Variants in PGPEP1L observed in about 807,000 individuals in gnomAD.
PGPEP1L encodes pyroglutamyl-peptidase I like.
PGPEP1L carries 7 observed loss-of-function variants against 6.0 expected under a neutral mutation model. That is an observed-to-expected ratio of 1.17 (90% confidence interval 0.66 to 2.19). The LOEUF is 2.19. Ranked by LOEUF, PGPEP1L falls within the 30% of genes most tolerant of loss-of-function variation. The probability of loss-of-function intolerance (pLI) is 0.00; values close to 1 mark genes in which losing one functional copy is unlikely to be tolerated. For missense variants in PGPEP1L, 209 were observed against 192.5 expected (o/e 1.09, Z -0.51); for synonymous variants, 103 against 83.9 (o/e 1.23, Z -1.24).
chr15:98,999,971 A>G (rs1444815621), intron 2 of PGPEP1L, among the ~76,000 whole-genome samples: 1 of 152,190 alleles, frequency 6.6e-6, no homozygotes, highest in Non-Finnish European at 1.5e-5. Context: ...CCTCCAGCCC[A>G]CCACTGCACT....
intron 2 of PGPEP1L, among the ~76,000 whole-genome samples, chr15:98,982,422 A>G (rs2017677850): frequency 6.6e-6 from 1 of 152,246 alleles, no homozygotes; most frequent in Admixed American, 6.5e-5. Flanking sequence ...TTCCAAGGCC[A>G]GAGTGAACTG....
At chr15:99,001,335 G>T (rs1015568814) in intron 2 of PGPEP1L, 11 of 221,388 alleles carry the variant, frequency 5.0e-5, no homozygotes, top group South Asian at 4.6e-4. Flanking sequence ...CCATTTATAT[G>T]AAATGTCAGA....
intron 2 of PGPEP1L, among the ~76,000 whole-genome samples, chr15:98,971,982 ACTT>A (rs1200252602): frequency 6.6e-6 from 1 of 152,238 alleles, no homozygotes; most frequent in Non-Finnish European, 1.5e-5. Flanking sequence ...TTTAAAAATA[ACTT>A]ATTATAACTA....
At chr15:98,972,396 A>AAATAAATAAATG (rs3051369) in intron 2 of PGPEP1L, among the ~76,000 whole-genome samples, 1 of 151,646 alleles carries the variant, frequency 6.6e-6, no homozygotes, top group African/African-American at 2.4e-5. Context: ...ATAAATAAAT[A>AAATAAATAAATG]GCATGGAATA....
chr15:99,000,069 C>G (rs1006662155), intron 2 of PGPEP1L, among the ~76,000 whole-genome samples: 1 of 152,238 alleles, frequency 6.6e-6, no homozygotes, highest in African/African-American at 2.4e-5. Context: ...GGGCGGGAAC[C>G]GGGGCTGCGT....
intron 2 of PGPEP1L, among the ~76,000 whole-genome samples, chr15:98,999,583 G>A (rs1014235658): frequency 6.6e-6 from 1 of 152,172 alleles, no homozygotes; most frequent in African/African-American, 2.4e-5. Flanking sequence ...ATTTATCTCA[G>A]AGAAATGAAA....
chr15:98,986,709 T>C (rs1039251048), intron 2 of PGPEP1L, among the ~76,000 whole-genome samples: 73 of 152,348 alleles, frequency 4.8e-4, no homozygotes, highest in African/African-American at 1.7e-3. Context: ...GACAACTTCA[T>C]GGAGAACTTT....
intron 1 of PGPEP1L, 38 bp downstream of exon 1, chr15:99,007,321 T>C (rs2018090662): frequency 6.6e-6 from 1 of 152,288 alleles, no homozygotes; most frequent in Admixed American, 6.5e-5. Flanking sequence ...GGTCTCTACC[T>C]CCTCTGGTGA....
intron 3 of PGPEP1L, 51 bp downstream of exon 3, chr15:98,970,985 C>CCA (rs1490461898): frequency 6.2e-6 from 10 of 1,607,108 alleles, no homozygotes; most frequent in Non-Finnish European, 8.5e-6. Flanking sequence ...TTCAGAGGCT[C>CCA]CAGCTCCACA....
At chr15:98,983,056 G>A (rs575241325) in intron 2 of PGPEP1L, among the ~76,000 whole-genome samples, 1 of 151,858 alleles carries the variant, frequency 6.6e-6, no homozygotes, top group Admixed American at 6.6e-5. Flanking sequence ...AACCCACTCT[G>A]GACTAATTGG....
chr15:98,981,300 G>A (rs2017655777), intron 2 of PGPEP1L, among the ~76,000 whole-genome samples: 1 of 151,984 alleles, frequency 6.6e-6, no homozygotes, highest in Non-Finnish European at 1.5e-5. Context: ...AGACCATCCT[G>A]GCTAACACAG....
chr15:98,979,453 G>T (rs1054782584), intron 2 of PGPEP1L, among the ~76,000 whole-genome samples: 1 of 152,084 alleles, frequency 6.6e-6, no homozygotes, highest in African/African-American at 2.4e-5. Flanking sequence ...TAAGTAGTGT[G>T]GTTATTTAAT....
At chr15:98,979,626 G>C (rs1413769705) in intron 2 of PGPEP1L, among the ~76,000 whole-genome samples, 1 of 132,240 alleles carries the variant, frequency 7.6e-6, no homozygotes, top group Non-Finnish European at 1.6e-5. Context: ...TGGGATTGGA[G>C]ACTATTCTTT....
chr15:98,994,201 G>A (rs992380636), intron 2 of PGPEP1L, among the ~76,000 whole-genome samples: 14 of 151,998 alleles, frequency 9.2e-5, no homozygotes, highest in Non-Finnish European at 2.9e-5. Flanking sequence ...GGGATGTGGA[G>A]GTTGCAGTGA....
At chr15:98,993,798 T>C (rs2017850792) in intron 2 of PGPEP1L, among the ~76,000 whole-genome samples, 1 of 151,268 alleles carries the variant, frequency 6.6e-6, no homozygotes, top group South Asian at 2.1e-4. Flanking sequence ...GTTCTGCACA[T>C]GTACCCCAGA....
intron 2 of PGPEP1L, among the ~76,000 whole-genome samples, chr15:98,999,897 C>A (rs2017936398): frequency 6.6e-6 from 1 of 152,266 alleles, no homozygotes; most frequent in African/African-American, 2.4e-5. Flanking sequence ...GCAGTCCTTG[C>A]AGCCCTTGCG....
At chr15:98,973,246 C>T (rs1475146485) in intron 2 of PGPEP1L, among the ~76,000 whole-genome samples, 1 of 152,224 alleles carries the variant, frequency 6.6e-6, no homozygotes, top group East Asian at 1.9e-4. Flanking sequence ...GAGAGATTAA[C>T]TGCAACCAAT....
At chr15:98,986,123 G>A (rs1268241196) in intron 2 of PGPEP1L, among the ~76,000 whole-genome samples, 1 of 152,174 alleles carries the variant, frequency 6.6e-6, no homozygotes, top group Non-Finnish European at 1.5e-5. Context: ...GGGAACTGTG[G>A]CATAAGAGAG....
intron 2 of PGPEP1L, among the ~76,000 whole-genome samples, chr15:98,999,216 TAA>T (rs111684872): frequency 0.017 from 2,652 of 152,158 alleles, 75 homozygotes; most frequent in African/African-American, 0.059. Context: ...GCTTTGTATA[TAA>T]AATACATAAA....
Sources: allele counts gnomAD v4.1 joint callset (sites outside exome capture counted in the v4.1 genomes callset), GRCh38; gene constraint gnomAD v4.1.1; transcripts MANE v1.5; gene names NCBI Gene and HGNC (gene_info 2026-07-23, HGNC 2026-07-21).